Variants in ACCSL observed in about 807,000 individuals in gnomAD.
The protein encoded by ACCSL is 1-aminocyclopropane-1-carboxylate synthase homolog (inactive) like, also known as probable inactive 1-aminocyclopropane-1-carboxylate synthase-like protein 2.
Under a neutral mutation model 61.7 loss-of-function variants are expected in ACCSL, and 55 were observed. The ratio of observed to expected loss-of-function variants is 0.89; its 90% CI spans 0.72 to 1.12. ACCSL has a LOEUF of 1.12. Ranked by LOEUF, ACCSL falls within the 50% of genes most tolerant of loss-of-function variation. ACCSL has a pLI of 0.00. For synonymous variants in ACCSL, 258 were observed against 264.3 expected (o/e 0.98, Z 0.23); for missense variants, 632 against 698.0 (o/e 0.91, Z 1.07).
chr11:44,014,193 C>T, the ACCSL span, among the ~76,000 whole-genome samples: 2 of 152,246 alleles, frequency 1.3e-5, no homozygotes, highest in African/African-American at 4.8e-5. Flanking sequence ...ACTTCACTTA[C>T]TGCCTCACAG....
At chr11:43,969,234 G>T in the ACCSL span, among the ~76,000 whole-genome samples, 3 of 151,944 alleles carry the variant, frequency 2.0e-5, no homozygotes, top group African/African-American at 7.3e-5. Context: ...GGTGGCAGGC[G>T]CCTGTAGTCT....
the ACCSL span, among the ~76,000 whole-genome samples, chr11:43,938,173 C>G: frequency 6.6e-6 from 1 of 152,178 alleles, no homozygotes; most frequent in African/African-American, 2.4e-5. Context: ...ACAGTGAGGA[C>G]TTGCCTGCCC....
the ACCSL span, among the ~76,000 whole-genome samples, chr11:44,020,179 A>G: frequency 2.0e-5 from 3 of 152,314 alleles, no homozygotes; most frequent in Admixed American, 2.0e-4. Flanking sequence ...TTGATCTTGT[A>G]TCCTGCAACT....
the ACCSL span, among the ~76,000 whole-genome samples, chr11:43,951,178 A>C: frequency 1.2e-4 from 18 of 152,206 alleles, no homozygotes; most frequent in Non-Finnish European, 2.4e-4. Flanking sequence ...AAATTATTCC[A>C]AGAAAGTCAG....
chr11:44,053,213 C>G, intron 7 of ACCSL, 145 bp downstream of exon 7: 1 of 855,050 alleles, frequency 1.2e-6, no homozygotes, highest in Non-Finnish European at 1.9e-6. Flanking sequence ...GGGTGTGTCC[C>G]TCTAGTCCTG....
chr11:43,996,404 C>T, the ACCSL span, among the ~76,000 whole-genome samples: 1 of 152,114 alleles, frequency 6.6e-6, no homozygotes, highest in East Asian at 1.9e-4. Flanking sequence ...GGGAGATTGC[C>T]ACGCTCTGTT....
At chr11:43,958,233 T>C in the ACCSL span, among the ~76,000 whole-genome samples, 3 of 152,346 alleles carry the variant, frequency 2.0e-5, no homozygotes, top group African/African-American at 7.2e-5. Flanking sequence ...CTCTTGAAGG[T>C]AACATCACTA....
upstream of ACCSL, among the ~76,000 whole-genome samples, chr11:44,046,081 AT>A (rs1333312593): frequency 6.6e-6 from 1 of 152,188 alleles, no homozygotes; most frequent in Non-Finnish European, 1.5e-5. Context: ...ATAATCAAGT[AT>A]TTGGAAAGAT....
chr11:44,052,046 T>C (rs553153155), intron 5 of ACCSL, among the ~76,000 whole-genome samples: 24 of 152,292 alleles, frequency 1.6e-4, no homozygotes, highest in Admixed American at 5.9e-4. Context: ...TCAGACAATA[T>C]AGATTTCTTA....
chr11:43,955,692 C>G, the ACCSL span, among the ~76,000 whole-genome samples: 1 of 152,172 alleles, frequency 6.6e-6, no homozygotes, highest in South Asian at 2.1e-4. Flanking sequence ...GAAAAGACAT[C>G]TCAAAAGGCC....
intron 3 of ACCSL, among the ~76,000 whole-genome samples, chr11:44,050,931 C>A (rs866997543): frequency 4.6e-5 from 7 of 151,598 alleles, no homozygotes; most frequent in Middle Eastern, 3.4e-3. Context: ...AGGCTCTGCC[C>A]CCTGGGTTCA....
At chr11:44,035,391 C>T in the ACCSL span, among the ~76,000 whole-genome samples, 1 of 152,054 alleles carries the variant, frequency 6.6e-6, no homozygotes, top group Non-Finnish European at 1.5e-5. Context: ...TCCAACAGGA[C>T]ACAGATGTCA....
At chr11:43,948,021 C>T in the ACCSL span, among the ~76,000 whole-genome samples, 1 of 152,222 alleles carries the variant, frequency 6.6e-6, no homozygotes, top group African/African-American at 2.4e-5. Flanking sequence ...AGTTTTCAAA[C>T]AGGCTGGAGC....
the ACCSL span, among the ~76,000 whole-genome samples, chr11:44,007,619 A>G: frequency 1.3e-4 from 20 of 152,296 alleles, no homozygotes; most frequent in Admixed American, 1.2e-3. Context: ...ATAGCAGGAA[A>G]GGCAGCACTT....
the ACCSL span, among the ~76,000 whole-genome samples, chr11:43,992,585 T>C: frequency 4.6e-5 from 7 of 152,220 alleles, no homozygotes; most frequent in Non-Finnish European, 7.3e-5. Context: ...TGGACACTCA[T>C]TGGCATTTGA....
At chr11:43,978,781 GGGTTT>G in the ACCSL span, among the ~76,000 whole-genome samples, 1 of 123,824 alleles carries the variant, frequency 8.1e-6, no homozygotes. Context: ...CTGAGAAGGT[GGGTTT>G]TTTTTTTTTT....
Position 44,050,615 on chromosome 11 carries a change from C to T in ACCSL, c.628C>T (p.Gln210Ter), listed in dbSNP as rs766913364. 1.2e-5 allele frequency: 19 copies of T among 1,613,934 alleles called. No homozygotes were observed. The highest frequency in any genetic ancestry group is 8.3e-5 in the Admixed American group (5 of 60,002). Residue 210 changes from glutamine to a stop codon, truncating the protein, a stop_gained, in exon 3 of 14, where the codon CAG (glutamine) becomes TAG (stop). Coordinates refer to ENST00000378832, the MANE Select transcript of ACCSL (RefSeq NM_001031854.2). LOFTEE classifies it high-confidence loss of function. Reference protein sequence around the residue: ...TLLQYPDWRGQPFLREEVARF... With the variant: ...TLLQYPDWRG ...GCTTCAGTACCCTGATTGGAGAGGG[C>T]AGCCATTGTAAGTGACCTTCAGATT...
chr11:43,999,491 C>G, the ACCSL span, among the ~76,000 whole-genome samples: 14 of 152,158 alleles, frequency 9.2e-5, no homozygotes, highest in African/African-American at 3.4e-4. Context: ...GGTTTTTCGA[C>G]TGGGGTCTCA....
the ACCSL span, among the ~76,000 whole-genome samples, chr11:43,980,203 C>T: frequency 0.26 from 39,959 of 152,040 alleles, 5,553 homozygotes; most frequent in Non-Finnish European, 0.32. Flanking sequence ...TTTATTTAAT[C>T]CCCTATTGAC....
Sources: gnomAD v4.1 joint callset for allele counts (sites outside exome capture counted in the v4.1 genomes callset) on GRCh38, gnomAD v4.1.1 for gene constraint, MANE v1.5 for transcripts, NCBI Gene and HGNC (gene_info 2026-07-23, HGNC 2026-07-21) for gene names.